Variants in ATOSA observed in about 807,000 individuals in gnomAD.
ATOSA encodes the protein atos homolog A.
At chr15:52,674,159 A>C in the ATOSA span, among the ~76,000 whole-genome samples, 2 of 152,090 alleles carry the variant, frequency 1.3e-5, no homozygotes, top group Non-Finnish European at 2.9e-5. Context: ...CAAAATTAGA[A>C]ATACATTTAG....
chr15:52,606,237 C>T, the ATOSA span, among the ~76,000 whole-genome samples: 1 of 151,964 alleles, frequency 6.6e-6, no homozygotes, highest in Admixed American at 6.6e-5. Flanking sequence ...ATAAGAAACA[C>T]TGTAAATTAA....
chr15:52,611,543 A>G, the ATOSA span: 3 of 1,600,514 alleles, frequency 1.9e-6, no homozygotes, highest in Non-Finnish European at 2.6e-6. Flanking sequence ...TGATTTACCA[A>G]GAACAACTTT....
the ATOSA span, among the ~76,000 whole-genome samples, chr15:52,650,852 G>A: frequency 6.6e-6 from 1 of 152,124 alleles, no homozygotes; most frequent in African/African-American, 2.4e-5. Context: ...CGTAAAATGG[G>A]CAATATGCTA....
the ATOSA span, among the ~76,000 whole-genome samples, chr15:52,659,738 G>T: frequency 6.6e-6 from 1 of 152,168 alleles, no homozygotes; most frequent in Non-Finnish European, 1.5e-5. Context: ...ACAGTAAAAT[G>T]ACTATTAGGG....
chr15:52,686,082 C>A, the ATOSA span, among the ~76,000 whole-genome samples: 1 of 152,192 alleles, frequency 6.6e-6, no homozygotes, highest in Non-Finnish European at 1.5e-5. Flanking sequence ...ATTAGAGGGT[C>A]ACACACAGAA....
the ATOSA span, chr15:52,608,644 G>A: frequency 7.5e-6 from 12 of 1,610,480 alleles, no homozygotes; most frequent in Non-Finnish European, 1.0e-5. Context: ...ATAGTTTTGG[G>A]ATTTTTCATT....
the ATOSA span, among the ~76,000 whole-genome samples, chr15:52,709,126 A>AC: frequency 1.3e-5 from 2 of 152,180 alleles, no homozygotes; most frequent in Non-Finnish European, 2.9e-5. Flanking sequence ...GGCAGACCAA[A>AC]CAAAGCACAT....
At chr15:52,699,248 C>T in the ATOSA span, among the ~76,000 whole-genome samples, 1 of 152,076 alleles carries the variant, frequency 6.6e-6, no homozygotes, top group Admixed American at 6.5e-5. Context: ...TTGTCTGTGC[C>T]TTCACAGTGG....
chr15:52,704,551 T>A, the ATOSA span, among the ~76,000 whole-genome samples: 12 of 151,960 alleles, frequency 7.9e-5, no homozygotes, highest in Non-Finnish European at 1.8e-4. Context: ...AAAGAAACTA[T>A]CATCAGAGTA....
the ATOSA span, among the ~76,000 whole-genome samples, chr15:52,679,755 TCTCCTCCTCCTCCTCCTCCTCCTC>T: frequency 1.8e-5 from 1 of 56,232 alleles, no homozygotes; most frequent in Admixed American, 2.0e-4. Flanking sequence ...ATAGTCGTCG[TCTCCTCCTCCTCCTCCTCCTCCTC>T]CTCCTCCTCC....
chr15:52,607,455 T>A, the ATOSA span, among the ~76,000 whole-genome samples: 2 of 152,312 alleles, frequency 1.3e-5, no homozygotes, highest in South Asian at 4.1e-4. Flanking sequence ...CAAGGACTTG[T>A]ACAGTCCACA....
the ATOSA span, chr15:52,585,206 A>G: frequency 3.4e-6 from 1 of 290,588 alleles, no homozygotes; most frequent in South Asian, 5.2e-5. Flanking sequence ...ATATATATAA[A>G]TTTTACTCCT....
At chr15:52,661,355 A>G in the ATOSA span, among the ~76,000 whole-genome samples, 6 of 152,244 alleles carry the variant, frequency 3.9e-5, no homozygotes, top group Non-Finnish European at 8.8e-5. Context: ...GCCAGAACCT[A>G]GAGGCAATTG....
the ATOSA span, among the ~76,000 whole-genome samples, chr15:52,639,557 G>A: frequency 6.6e-6 from 1 of 152,130 alleles, no homozygotes; most frequent in Non-Finnish European, 1.5e-5. Context: ...TGCCAGTCAG[G>A]TTTCTGTTTA....
At chr15:52,611,914 T>C in the ATOSA span, 170 of 748,702 alleles carry the variant, frequency 2.3e-4, 1 homozygote, top group East Asian at 3.6e-3. Context: ...CAGAATTGGC[T>C]ATCTAGGTTT....
At chr15:52,597,160 GTTCTGTTCTATTCTA>G in the ATOSA span, among the ~76,000 whole-genome samples, 2 of 8,556 alleles carry the variant, frequency 2.3e-4, no homozygotes, top group Admixed American at 2.1e-3. Context: ...ATTCTGTTCT[GTTCTGTTCTATTCTA>G]TTCTATTCTA....
the ATOSA span, among the ~76,000 whole-genome samples, chr15:52,679,709 T>G: frequency 6.6e-6 from 1 of 151,110 alleles, no homozygotes; most frequent in Non-Finnish European, 1.5e-5. Context: ...TGGGGAGATG[T>G]CATCCAAAGG....
the ATOSA span, among the ~76,000 whole-genome samples, chr15:52,624,302 T>C: frequency 6.6e-6 from 1 of 152,222 alleles, no homozygotes; most frequent in African/African-American, 2.4e-5. Context: ...CAAAGCTTTC[T>C]GGACTGCCAA....
chr15:52,649,814 A>C, the ATOSA span: 3 of 152,200 alleles, frequency 2.0e-5, no homozygotes, highest in African/African-American at 7.2e-5. Context: ...AGGAACTTTC[A>C]GATGCTCCAG....
Sources: allele counts gnomAD v4.1 joint callset (sites outside exome capture counted in the v4.1 genomes callset), GRCh38; gene constraint gnomAD v4.1.1; transcripts MANE v1.5; gene names NCBI Gene and HGNC (gene_info 2026-07-23, HGNC 2026-07-21).